EFCAB11: variants seen among roughly 807,000 people sequenced by gnomAD.
EFCAB11 encodes EF-hand calcium-binding domain-containing protein 11.
A neutral mutation model predicts 23.0 loss-of-function variants in EFCAB11; 14 were observed. The ratio of observed to expected loss-of-function variants is 0.61; its 90% confidence interval spans 0.40 to 0.95. The LOEUF is 0.95. Among genes scored for constraint, EFCAB11 ranks in the 40% least tolerant of loss-of-function variants. EFCAB11 has a pLI of 0.00. For synonymous variants in EFCAB11, 65 were observed against 66.6 expected (o/e 0.98, Z 0.11); for missense variants, 198 against 195.8 (o/e 1.01, Z -0.07).
intron 5 of EFCAB11, among the ~76,000 whole-genome samples, chr14:89,806,004 C>T (rs1885957334): frequency 6.6e-6 from 1 of 152,188 alleles, no homozygotes; most frequent in Admixed American, 6.5e-5. Context: ...GAGTAACTTG[C>T]TTGCTGTATC....
At chr14:89,854,224 C>T (rs1422415217) in intron 5 of EFCAB11, among the ~76,000 whole-genome samples, 2 of 107,084 alleles carry the variant, frequency 1.9e-5, no homozygotes, top group African/African-American at 6.4e-5. Context: ...CATCTCAAAG[C>T]AGATACAAAC....
At chr14:89,941,592 T>TC (rs1239446029) in intron 3 of EFCAB11, among the ~76,000 whole-genome samples, 1 of 151,636 alleles carries the variant, frequency 6.6e-6, no homozygotes, top group Admixed American at 6.6e-5. Flanking sequence ...TACTTTTTTT[T>TC]TTTTTCAGAG....
At chr14:89,909,868 G>A (rs1047253077) in intron 5 of EFCAB11, among the ~76,000 whole-genome samples, 1 of 152,136 alleles carries the variant, frequency 6.6e-6, no homozygotes, top group Non-Finnish European at 1.5e-5. Flanking sequence ...CTCCTTCCCT[G>A]GCTAAGGCGA....
intron 5 of EFCAB11, among the ~76,000 whole-genome samples, chr14:89,928,417 TAA>T (rs1231879093): frequency 4.6e-5 from 7 of 152,062 alleles, no homozygotes; most frequent in Non-Finnish European, 1.0e-4. Flanking sequence ...TAATATTTTA[TAA>T]GTGAGCAATT....
chr14:89,828,839 C>T (rs10130087), intron 5 of EFCAB11, among the ~76,000 whole-genome samples: 18,773 of 152,088 alleles, frequency 0.12, 1,314 homozygotes, highest in African/African-American at 0.19. Context: ...AAGACTGTAT[C>T]AAAGGTATTT....
intron 5 of EFCAB11, among the ~76,000 whole-genome samples, chr14:89,873,009 G>T (rs557450342): frequency 2.0e-5 from 3 of 152,294 alleles, no homozygotes; most frequent in African/African-American, 7.2e-5. Flanking sequence ...TTTTGCTGTT[G>T]TTTAAGCCAC....
chr14:89,802,274 C>A (rs1460664703), intron 5 of EFCAB11, among the ~76,000 whole-genome samples: 1 of 151,084 alleles, frequency 6.6e-6, no homozygotes, highest in African/African-American at 2.4e-5. Flanking sequence ...ACGATGGAAT[C>A]TTTTCTATTA....
intron 5 of EFCAB11, among the ~76,000 whole-genome samples, chr14:89,828,581 T>C (rs577262380): frequency 6.6e-6 from 1 of 152,244 alleles, no homozygotes; most frequent in East Asian, 1.9e-4. Flanking sequence ...GCTAAAAACA[T>C]AGTGTTCGGT....
chr14:89,938,948 A>T (rs1566820476), intron 3 of EFCAB11, among the ~76,000 whole-genome samples: 1 of 149,884 alleles, frequency 6.7e-6, no homozygotes, highest in Non-Finnish European at 1.5e-5. Context: ...TCAAAAAACA[A>T]AACAACAACA....
At chr14:89,835,917 T>G (rs750204951) in intron 5 of EFCAB11, among the ~76,000 whole-genome samples, 1 of 152,118 alleles carries the variant, frequency 6.6e-6, no homozygotes. Context: ...CGTGAGCCAC[T>G]GCACCTGGCC....
At chr14:89,872,509 C>T (rs755575364) in intron 5 of EFCAB11, among the ~76,000 whole-genome samples, 8 of 152,134 alleles carry the variant, frequency 5.3e-5, no homozygotes, top group South Asian at 2.1e-4. Flanking sequence ...ACCTCTCTGA[C>T]GGTGATATGG....
rs570426598 is a variant in EFCAB11 at position 89,911,658 on chromosome 14, T to C, written c.410+19883A>G. 2.0e-4 allele frequency among the ~76,000 whole-genome samples: 30 copies of C among 152,368 alleles called. No homozygotes were observed. The South Asian group carries it at 5.8e-3, about 29-fold the overall frequency. On this transcript the variant is annotated intron_variant, in intron 5 of 5. Coordinates refer to ENST00000316738, the MANE Select transcript of EFCAB11 (RefSeq NM_145231.4). ...AGTCTTGAGATGAAACAAGTCCATG[T>C]AGCCCAAGCACAACAAAGCACCAGC...
rs1375695717 is a variant in EFCAB11, at chr14:89,794,682, T to C, written c.*2561A>G. 6.6e-6 allele frequency: 1 copy of C among 152,214 alleles called. No individual in the cohort carries two copies. The highest frequency in any genetic ancestry group is 1.5e-5 in the Non-Finnish European group (1 of 68,020). 9.4% of individuals were successfully genotyped at this position (152,214 alleles called of 1,614,324 possible). A position where few individuals can be genotyped will look rare whatever the true frequency, so the allele number is the denominator to read the frequency against. ...CCATTGATCCGCTTTGTATTTGAAA[T>C]AAGATTTTATTTTTACTTGATTTTC... On this transcript the variant is annotated 3_prime_UTR_variant, in exon 6 of 6. Transcript: ENST00000316738.
At chr14:89,906,249 C>T (rs1018011874) in intron 5 of EFCAB11, among the ~76,000 whole-genome samples, 1 of 152,030 alleles carries the variant, frequency 6.6e-6, no homozygotes, top group South Asian at 2.1e-4. Context: ...TCATCATCAT[C>T]CAGTTTATCA....
intron 5 of EFCAB11, among the ~76,000 whole-genome samples, chr14:89,916,113 T>A (rs888561152): frequency 1.3e-5 from 2 of 151,778 alleles, no homozygotes; most frequent in African/African-American, 2.4e-5. Flanking sequence ...CAGTCTAATT[T>A]TTCCCCCCAA....
chr14:89,867,476 T>C (rs976473121), intron 5 of EFCAB11, among the ~76,000 whole-genome samples: 2 of 152,096 alleles, frequency 1.3e-5, no homozygotes, highest in Non-Finnish European at 2.9e-5. Context: ...AGAAGTAGGG[T>C]GGGCTTTGGA....
intron 5 of EFCAB11, among the ~76,000 whole-genome samples, chr14:89,914,802 A>AG (rs887553934): frequency 1.6e-4 from 24 of 152,204 alleles, no homozygotes; most frequent in African/African-American, 5.1e-4. Flanking sequence ...AAAAAAAAAA[A>AG]AGAGAGAGAC....
intron 5 of EFCAB11, among the ~76,000 whole-genome samples, chr14:89,917,086 G>A (rs1413325692): frequency 7.6e-6 from 1 of 131,240 alleles, no homozygotes; most frequent in African/African-American, 4.1e-5. Context: ...GTGTGTGTGT[G>A]TGTGTGTGTG....
intron 5 of EFCAB11, among the ~76,000 whole-genome samples, chr14:89,815,291 C>T (rs567097445): frequency 2.7e-4 from 41 of 152,284 alleles, no homozygotes; most frequent in African/African-American, 9.6e-4. Flanking sequence ...CATAAGTGTA[C>T]ATGTGAAAAA....
Sources: allele counts gnomAD v4.1 joint callset (sites outside exome capture counted in the v4.1 genomes callset), GRCh38; gene constraint gnomAD v4.1.1; transcripts MANE v1.5; gene names NCBI Gene and HGNC (gene_info 2026-07-23, HGNC 2026-07-21).